Variants in SUGCT observed in about 807,000 individuals in gnomAD.
SUGCT encodes succinyl-CoA:glutarate CoA-transferase.
SUGCT carries 41 observed loss-of-function variants against 55.0 expected under a neutral mutation model. The observed-to-expected ratio is 0.74, with a 90% confidence interval of 0.58 to 0.97. The LOEUF is 0.97. Ranked by LOEUF, SUGCT falls within the 50% of genes least tolerant of loss-of-function variation. SUGCT has a pLI of 0.00. For synonymous variants in SUGCT, 187 were observed against 200.4 expected (o/e 0.93, Z 0.56); for missense variants, 568 against 547.8 (o/e 1.04, Z -0.37).
At chr7:40,476,002 GTGGTAAGAGCA>G (rs1790651857) in intron 11 of SUGCT, among the ~76,000 whole-genome samples, 1 of 152,188 alleles carries the variant, frequency 6.6e-6, no homozygotes, top group African/African-American at 2.4e-5. Context: ...GTGGGATGGG[GTGGTAAGAGCA>G]TGGATTCTGG....
chr7:40,548,706 A>T (rs1795143768), intron 12 of SUGCT, among the ~76,000 whole-genome samples: 1 of 152,266 alleles, frequency 6.6e-6, no homozygotes, highest in African/African-American at 2.4e-5. Flanking sequence ...CATTGTTTAC[A>T]TTAGAACTCA....
At chr7:40,903,808 A>G in the SUGCT span, among the ~76,000 whole-genome samples, 2 of 152,156 alleles carry the variant, frequency 1.3e-5, no homozygotes, top group African/African-American at 4.8e-5. Flanking sequence ...AAAGATTGCT[A>G]TTGTTCAAAG....
chr7:40,207,235 A>T (rs1379201769), intron 6 of SUGCT, among the ~76,000 whole-genome samples: 1 of 152,098 alleles, frequency 6.6e-6, no homozygotes, highest in Non-Finnish European at 1.5e-5. Flanking sequence ...CAAGCCACCA[A>T]TTAGGAAATG....
At chr7:40,711,254 G>A (rs552958274) in intron 12 of SUGCT, among the ~76,000 whole-genome samples, 5 of 152,250 alleles carry the variant, frequency 3.3e-5, no homozygotes, top group African/African-American at 9.6e-5. Flanking sequence ...GCCCATGCCT[G>A]TAATCCCAGC....
intron 7 of SUGCT, among the ~76,000 whole-genome samples, chr7:40,271,515 T>C (rs1443855818): frequency 2.0e-5 from 3 of 152,154 alleles, no homozygotes; most frequent in Admixed American, 2.0e-4. Context: ...AGATGCCCTT[T>C]ATTAGGTTGA....
At chr7:40,757,622 G>A (rs191168504) in intron 13 of SUGCT, among the ~76,000 whole-genome samples, 24 of 152,252 alleles carry the variant, frequency 1.6e-4, no homozygotes, top group Admixed American at 1.0e-3. Context: ...ATATTTAACT[G>A]GACTCATACA....
chr7:40,808,314 G>A (rs138996466), intron 13 of SUGCT: 62 of 152,380 alleles, frequency 4.1e-4, no homozygotes, highest in African/African-American at 1.4e-3. Context: ...AGCAGCGGAA[G>A]CCTGGACAGT....
intron 6 of SUGCT, among the ~76,000 whole-genome samples, chr7:40,202,751 G>GT (rs1276174006): frequency 2.0e-5 from 3 of 152,110 alleles, no homozygotes; most frequent in African/African-American, 4.8e-5. Flanking sequence ...TTCAGTCCCT[G>GT]TTTTTTGTGG....
the SUGCT span, among the ~76,000 whole-genome samples, chr7:41,035,592 A>G: frequency 6.6e-6 from 1 of 152,220 alleles, no homozygotes; most frequent in African/African-American, 2.4e-5. Context: ...ATACACAGTT[A>G]AATATCTTTT....
chr7:40,949,652 C>T, the SUGCT span, among the ~76,000 whole-genome samples: 1 of 152,168 alleles, frequency 6.6e-6, no homozygotes. Flanking sequence ...GGAAGGGATC[C>T]AGTTTCAGCT....
intron 7 of SUGCT, among the ~76,000 whole-genome samples, chr7:40,255,789 G>A (rs1462163132): frequency 6.6e-6 from 1 of 151,346 alleles, no homozygotes; most frequent in East Asian, 1.9e-4. Flanking sequence ...CGCCATCACA[G>A]TCTAAGAAGG....
intron 12 of SUGCT, among the ~76,000 whole-genome samples, chr7:40,524,948 C>G (rs1204929741): frequency 6.6e-6 from 1 of 152,088 alleles, no homozygotes. Context: ...GGGGCAGAAG[C>G]CTTTTTCCTT....
intron 9 of SUGCT, among the ~76,000 whole-genome samples, chr7:40,442,405 A>G (rs982848034): frequency 6.6e-6 from 1 of 152,178 alleles, no homozygotes; most frequent in African/African-American, 2.4e-5. Flanking sequence ...TTAATAATGT[A>G]AAAACACATA....
chr7:40,970,202 C>T, the SUGCT span, among the ~76,000 whole-genome samples: 5 of 151,982 alleles, frequency 3.3e-5, no homozygotes, highest in African/African-American at 7.3e-5. Context: ...GACGGAGTCT[C>T]GCTCTGTGGC....
chr7:40,820,201 G>A (rs572983445), intron 13 of SUGCT, among the ~76,000 whole-genome samples: 2 of 152,316 alleles, frequency 1.3e-5, no homozygotes, highest in African/African-American at 4.8e-5. Flanking sequence ...GTAGCGTGAT[G>A]CCTCCAGCTT....
chr7:41,037,449 A>T, the SUGCT span, among the ~76,000 whole-genome samples: 1 of 152,112 alleles, frequency 6.6e-6, no homozygotes, highest in South Asian at 2.1e-4. Context: ...AAGATATATT[A>T]CATAATTCTC....
chr7:40,591,156 A>G (rs1357664353), intron 12 of SUGCT, among the ~76,000 whole-genome samples: 3 of 152,206 alleles, frequency 2.0e-5, no homozygotes, highest in Non-Finnish European at 2.9e-5. Context: ...TCACCATTCT[A>G]TATGCCATTA....
intron 1 of SUGCT, among the ~76,000 whole-genome samples, chr7:40,139,221 A>G (rs1336171556): frequency 6.6e-6 from 1 of 152,100 alleles, no homozygotes; most frequent in African/African-American, 2.4e-5. Context: ...ATTTTGTGAC[A>G]AAGTCTTGTT....
At chr7:40,215,300 G>A (rs1364955721) in intron 6 of SUGCT, among the ~76,000 whole-genome samples, 1 of 151,998 alleles carries the variant, frequency 6.6e-6, no homozygotes, top group East Asian at 1.9e-4. Context: ...GTGCCACCAT[G>A]CTCAGATAAT....
Sources: allele counts gnomAD v4.1 joint callset (sites outside exome capture counted in the v4.1 genomes callset), GRCh38; gene constraint gnomAD v4.1.1; transcripts MANE v1.5; gene names NCBI Gene and HGNC (gene_info 2026-07-23, HGNC 2026-07-21).